Variants in TAFA1 observed in about 807,000 individuals in gnomAD.
The protein encoded by TAFA1 is TAFA chemokine like family member 1.
TAFA1 carries 4 observed loss-of-function variants against 18.5 expected under a neutral mutation model. The ratio of observed to expected loss-of-function variants is 0.22; its 90% CI spans 0.11 to 0.49. TAFA1 has a LOEUF of 0.49. Ranked by LOEUF, TAFA1 falls within the 20% of genes least tolerant of loss-of-function variation. The probability of loss-of-function intolerance (pLI) is 0.98; values close to 1 mark genes in which losing one functional copy is unlikely to be tolerated. For synonymous variants in TAFA1, 56 were observed against 55.2 expected, an observed-to-expected ratio of 1.01 and a Z score of -0.06; for missense variants, 147 against 169.0, an observed-to-expected ratio of 0.87 and a Z score of 0.72.
intron 2 of TAFA1, among the ~76,000 whole-genome samples, chr3:68,095,268 T>C (rs2065075028): frequency 6.6e-6 from 1 of 152,186 alleles, no homozygotes; most frequent in African/African-American, 2.4e-5. Flanking sequence ...TTGATATCAG[T>C]TGAAATGGAA....
chr3:68,502,592 G>T (rs902218319), intron 3 of TAFA1, among the ~76,000 whole-genome samples: 2 of 148,466 alleles, frequency 1.3e-5, no homozygotes, highest in African/African-American at 5.0e-5. Flanking sequence ...CAGATTATGA[G>T]AAATTAGAGT....
At chr3:68,239,721 A>T (rs2066973109) in intron 2 of TAFA1, among the ~76,000 whole-genome samples, 2 of 152,206 alleles carry the variant, frequency 1.3e-5, no homozygotes, top group Non-Finnish European at 2.9e-5. Context: ...GGGAGAAGGA[A>T]GCAGTCCATC....
intron 2 of TAFA1, among the ~76,000 whole-genome samples, chr3:68,243,865 A>G (rs1344971358): frequency 6.6e-6 from 1 of 152,102 alleles, no homozygotes; most frequent in Non-Finnish European, 1.5e-5. Flanking sequence ...CTGCCAAACT[A>G]TTTTCTAGAG....
At chr3:68,398,719 C>T (rs986530206) in intron 2 of TAFA1, among the ~76,000 whole-genome samples, 7 of 152,098 alleles carry the variant, frequency 4.6e-5, no homozygotes, top group Admixed American at 1.3e-4. Flanking sequence ...CATTAACTTA[C>T]GTAAATGTTT....
chr3:68,539,189 A>G (rs2073324189), intron 4 of TAFA1, among the ~76,000 whole-genome samples: 2 of 152,182 alleles, frequency 1.3e-5, no homozygotes, highest in Non-Finnish European at 2.9e-5. Context: ...TAATGCTCAG[A>G]ATGATAATCA....
chr3:67,994,354 A>G, the TAFA1 span, among the ~76,000 whole-genome samples: 2 of 152,348 alleles, frequency 1.3e-5, no homozygotes, highest in South Asian at 4.1e-4. Context: ...GTTGCCTTAC[A>G]CAGGGCACTT....
chr3:68,543,189 C>G (rs1196974929), intron 4 of TAFA1, among the ~76,000 whole-genome samples: 1 of 151,912 alleles, frequency 6.6e-6, no homozygotes, highest in Non-Finnish European at 1.5e-5. Context: ...TTTTGGAGTC[C>G]CTAGGTTTAC....
chr3:68,030,309 G>A (rs1704905072), intron 2 of TAFA1, among the ~76,000 whole-genome samples: 1 of 151,910 alleles, frequency 6.6e-6, no homozygotes, highest in South Asian at 2.1e-4. Context: ...TGTGCAGAAT[G>A]TGAAGGTTTG....
the TAFA1 span, among the ~76,000 whole-genome samples, chr3:67,993,670 T>G: frequency 6.6e-6 from 1 of 152,220 alleles, no homozygotes; most frequent in African/African-American, 2.4e-5. Flanking sequence ...GCCATAGATA[T>G]GTGTTGGGCA....
intron 3 of TAFA1, among the ~76,000 whole-genome samples, chr3:68,482,751 G>A (rs956013873): frequency 6.6e-6 from 1 of 152,148 alleles, no homozygotes; most frequent in East Asian, 1.9e-4. Context: ...CATTCTTGTA[G>A]CCAGGGTGAT....
intron 2 of TAFA1, among the ~76,000 whole-genome samples, chr3:68,211,985 T>C (rs905468238): frequency 7.2e-5 from 11 of 151,946 alleles, no homozygotes; most frequent in Non-Finnish European, 1.3e-4. Flanking sequence ...CCAAACTATA[T>C]AGCAAACTCT....
At chr3:68,140,176 T>C (rs1264340834) in intron 2 of TAFA1, among the ~76,000 whole-genome samples, 1 of 152,196 alleles carries the variant, frequency 6.6e-6, no homozygotes, top group Non-Finnish European at 1.5e-5. Context: ...ACAGCCTATG[T>C]GGGAGGCTAA....
At chr3:68,420,756 G>A (rs753581133) in intron 3 of TAFA1, among the ~76,000 whole-genome samples, 20 of 152,068 alleles carry the variant, frequency 1.3e-4, no homozygotes, top group Admixed American at 4.6e-4. Flanking sequence ...TCCCCACAAC[G>A]AAGAATTCTC....
chr3:68,496,878 C>T (rs2072559081), intron 3 of TAFA1, among the ~76,000 whole-genome samples: 1 of 152,128 alleles, frequency 6.6e-6, no homozygotes, highest in Non-Finnish European at 1.5e-5. Context: ...AATAATATAA[C>T]ATACAGTAAG....
At chr3:68,508,223 C>A (rs929546054) in intron 3 of TAFA1, among the ~76,000 whole-genome samples, 5 of 148,582 alleles carry the variant, frequency 3.4e-5, no homozygotes, top group Non-Finnish European at 7.5e-5. Context: ...GATCAGGGCC[C>A]CACCCATATG....
chr3:68,440,010 CCA>C (rs781081540), intron 3 of TAFA1, among the ~76,000 whole-genome samples: 24 of 151,952 alleles, frequency 1.6e-4, no homozygotes, highest in South Asian at 6.3e-4. Context: ...CACTTAAATG[CCA>C]ATATGAAATT....
intron 2 of TAFA1, among the ~76,000 whole-genome samples, chr3:68,030,799 A>G (rs910006029): frequency 1.3e-4 from 20 of 152,170 alleles, no homozygotes; most frequent in African/African-American, 4.3e-4. Flanking sequence ...ATTTTAAGCC[A>G]TCTGTCTATC....
intron 2 of TAFA1, among the ~76,000 whole-genome samples, chr3:68,220,342 G>A (rs2066714185): frequency 6.6e-6 from 1 of 152,116 alleles, no homozygotes; most frequent in Admixed American, 6.6e-5. Context: ...ATTAATTCAA[G>A]CTGAATAAAA....
intron 3 of TAFA1, among the ~76,000 whole-genome samples, chr3:68,466,530 C>A (rs1285973180): frequency 6.6e-6 from 1 of 152,016 alleles, no homozygotes; most frequent in Admixed American, 6.6e-5. Flanking sequence ...AAGCCCATAC[C>A]CCTTGAAGTA....
Sources: gnomAD v4.1 joint callset for allele counts (sites outside exome capture counted in the v4.1 genomes callset) on GRCh38, gnomAD v4.1.1 for gene constraint, MANE v1.5 for transcripts, NCBI Gene and HGNC (gene_info 2026-07-23, HGNC 2026-07-21) for gene names.